Variants in EBF4 observed in about 807,000 individuals in gnomAD.
The protein encoded by EBF4 is transcription factor COE4.
Under a neutral mutation model 67.1 loss-of-function variants are expected in EBF4, and 34 were observed. The observed-to-expected ratio is 0.51, with a 90% CI of 0.39 to 0.67. EBF4 has a LOEUF of 0.67. Ranked by LOEUF, EBF4 falls within the 30% of genes least tolerant of loss-of-function variation. EBF4 has a pLI of 0.00. For missense variants in EBF4, 837 were observed against 873.3 expected (o/e 0.96, Z 0.52); for synonymous variants, 387 against 377.7 (o/e 1.02, Z -0.29).
rs1263314052 is a variant in EBF4 at position 2,756,491 on chromosome 20, G to C, written c.1738+667G>C. Among the ~76,000 whole-genome samples the C allele has an allele frequency of 6.6e-6, 1 of 152,244 alleles. No individual in the cohort carries two copies. Among genetic ancestry groups the C allele is most frequent in the Non-Finnish European group, 1.5e-5 (1 of 68,044 alleles). Reference sequence around the variant, plus strand: ...AAAAGGAGGAGGCAACAGGATGTGGGTGGGGCAGAACAGGTCCTTGTTGAT... The same window carrying C: ...AAAAGGAGGAGGCAACAGGATGTGGCTGGGGCAGAACAGGTCCTTGTTGAT... On this transcript the variant is annotated intron_variant, in intron 15 of 16. Coordinates refer to ENST00000609451, the Ensembl canonical transcript of EBF4. The surrounding 1 kb of genome is among the most constrained non-coding windows in gnomAD (Gnocchi z 4.5).
At position 2,707,794 on chromosome 20, in the gene EBF4, C is replaced by T. The variant is rs1360762000; in HGVS notation, c.415-153C>T. ...TTTGGGAGGAGGGGTTATCCCCCGC[C>T]TGGGCAGCCCAGAGCAAGGCAGAGG... On this transcript the variant is annotated intron_variant, in intron 4 of 16. Transcript: ENST00000609451. This position sits in a 1 kb window ranked among gnomAD's most constrained non-coding sequence, Gnocchi z 4.6. Among the ~76,000 whole-genome samples, 2 of 152,186 alleles carry T rather than the reference C, an allele frequency of 1.3e-5. No individual in the cohort carries two copies. The highest frequency in any genetic ancestry group is 2.9e-5 in the Non-Finnish European group (2 of 68,014).
chr20:2,708,082 C>G, intron 5 of EBF4, 62 bp downstream of exon 5: 10 of 1,514,356 alleles, frequency 6.6e-6, no homozygotes, highest in Non-Finnish European at 9.0e-6. Flanking sequence ...GGACTCTACC[C>G]AGGCCCTGCC....
chr20:2,748,522 T>C, intron 6 of EBF4, 27 bp from the exon 7 acceptor site: 1 of 1,549,482 alleles, frequency 6.5e-7, no homozygotes. Context: ...CCCCAGACCC[T>C]TGAGCCCACC....
intron 6 of EBF4, among the ~76,000 whole-genome samples, chr20:2,743,597 G>A (rs952261092): frequency 1.1e-4 from 16 of 152,162 alleles, no homozygotes; most frequent in African/African-American, 2.2e-4. Flanking sequence ...GTGTGAGTGC[G>A]TGCGTATATG....
At position 2,721,374 on chromosome 20, in the gene EBF4, C is replaced by A. The variant is rs1328671565; in HGVS notation, c.557+11732C>A. Among the ~76,000 whole-genome samples the A allele has an allele frequency of 4.0e-5, 6 of 151,368 alleles. No individual in the cohort carries two copies. In the Admixed American group the frequency reaches 4.0e-4, roughly 10 times the overall value. Reference sequence around the variant, plus strand: ...CATCTGCCATTAATCCCATTCCATGCAATTTTAAAAATCTCAGACATTGTA... The same window carrying A: ...CATCTGCCATTAATCCCATTCCATGAAATTTTAAAAATCTCAGACATTGTA... On this transcript the variant is annotated intron_variant, in intron 6 of 16. Coordinates refer to ENST00000609451, the Ensembl canonical transcript of EBF4.
intron 6 of EBF4, among the ~76,000 whole-genome samples, chr20:2,716,310 G>A (rs558958518): frequency 4.1e-4 from 62 of 151,084 alleles, no homozygotes; most frequent in Admixed American, 6.6e-4. Flanking sequence ...GCAGATCACC[G>A]GAGGTCGGGA....
rs1047296790 is a variant in EBF4 at position 2,747,511 on chromosome 20, T to C, written c.558-1038T>C. On this transcript the variant is annotated intron_variant, in intron 6 of 16. Coordinates refer to ENST00000609451, the Ensembl canonical transcript of EBF4. This position sits in a 1 kb window ranked among gnomAD's most constrained non-coding sequence, Gnocchi z 4.6. ...ATGTGTTTTTTTCCCAATAACTCTA[T>C]GTAAAAAAGAAGACATTCACGGTGT... Among the ~76,000 whole-genome samples, 7 of 152,150 alleles carry C rather than the reference T, an allele frequency of 4.6e-5. 1 individual carries two copies. The South Asian group carries it at 1.5e-3, about 32-fold the overall frequency.
Position 2,748,696 on chromosome 20 carries a change from G to A in EBF4, c.639+66G>A, listed in dbSNP as rs577122786. Reference sequence around the variant, plus strand: ...TTCCTGATGGAGGGGAGGGGAGGGGGAAGGGAAGGCTGTGACCCTGCCACC... The same window carrying A: ...TTCCTGATGGAGGGGAGGGGAGGGGAAAGGGAAGGCTGTGACCCTGCCACC... On this transcript the variant is annotated intron_variant, in intron 7 of 16. Coordinates refer to ENST00000609451, the Ensembl canonical transcript of EBF4. The A allele has an allele frequency of 1.5e-4, 224 of 1,507,230 alleles. No individual in the cohort carries two copies. In the African/African-American group the frequency reaches 2.9e-3, roughly 19 times the overall value. The allele number at this position is 1,507,230 out of a possible 1,614,324, so 93.4% of individuals were successfully genotyped here. A position where few individuals can be genotyped will look rare whatever the true frequency, so the allele number is the denominator to read the frequency against.
upstream of EBF4, chr20:2,693,166 C>T: frequency 1.4e-5 from 2 of 142,816 alleles, no homozygotes; most frequent in East Asian, 2.3e-4. This position sits in a 1 kb window ranked among gnomAD's most constrained non-coding sequence, Gnocchi z 4.6. Flanking sequence ...GCGCCCCGCG[C>T]TGGCGCCGCG....
In EBF4 at chr20:2,706,205, C is replaced by G; in HGVS notation, c.359-4C>G. Reference sequence around the variant, plus strand: ...AGCAAGCCCTCTCCATCTTCCCATCCTAGGACTGCGGACAGAGCAAGACCT... The same window carrying G: ...AGCAAGCCCTCTCCATCTTCCCATCGTAGGACTGCGGACAGAGCAAGACCT... On this transcript the variant is annotated splice_polypyrimidine_tract_variant and splice_region_variant and intron_variant, in intron 3 of 16. Transcript: ENST00000609451. The G allele has an allele frequency of 2.6e-6, 4 of 1,552,188 alleles. No individual in the cohort carries two copies. The highest frequency in any genetic ancestry group is 3.5e-6 in the Non-Finnish European group (4 of 1,147,092).
At chr20:2,752,728 C>A (rs2088176279) in intron 14 of EBF4, among the ~76,000 whole-genome samples, 183 bp downstream of exon 14, 1 of 152,256 alleles carries the variant, frequency 6.6e-6, no homozygotes, top group African/African-American at 2.4e-5. Flanking sequence ...ACCTCAACCC[C>A]ACCCCTAGGC....
In EBF4 at chr20:2,751,076, T is replaced by TG. The variant is rs2088137755; in HGVS notation, c.1019-624_1019-623insG. The stretch of plus-strand genomic sequence containing the variant: ...CGTGGGGAGCTGGGTCAGACGCGCA[T>TG]ACACACACACACCCCTTGCACAACG... On this transcript the variant is annotated intron_variant, in intron 10 of 16. Coordinates refer to ENST00000609451, the Ensembl canonical transcript of EBF4. This position sits in a 1 kb window ranked among gnomAD's most constrained non-coding sequence, Gnocchi z 5.2. 1.3e-5 allele frequency among the ~76,000 whole-genome samples: 2 copies of TG among 151,386 alleles called. No individual in the cohort carries two copies. The highest frequency in any genetic ancestry group is 3.0e-5 in the Non-Finnish European group (2 of 67,792).
rs528845407 is a variant in EBF4 at position 2,739,827 on chromosome 20, G to A, written c.558-8722G>A. On this transcript the variant is annotated intron_variant, in intron 6 of 16. Coordinates refer to ENST00000609451, the Ensembl canonical transcript of EBF4. The surrounding 1 kb of genome is among the most constrained non-coding windows in gnomAD (Gnocchi z 4.5). ...TCTCAGGCTGCAGTGCCAGCTTTGG[G>A]CTTGGAAACACATATCCAATTTAAT... Among the ~76,000 whole-genome samples the A allele has an allele frequency of 5.3e-5, 8 of 152,300 alleles. No homozygotes were observed. Among genetic ancestry groups the A allele is most frequent in the African/African-American group, 1.9e-4 (8 of 41,568 alleles).
chr20:2,733,453 TC>T (rs1204400230), intron 6 of EBF4, among the ~76,000 whole-genome samples: 1 of 152,162 alleles, frequency 6.6e-6, no homozygotes, highest in Non-Finnish European at 1.5e-5. Flanking sequence ...ATAATGTTTT[TC>T]ATTACTGAGC....
chr20:2,720,157 A>G (rs11905421), intron 6 of EBF4, among the ~76,000 whole-genome samples: 14,282 of 152,166 alleles, frequency 0.094, 1,810 homozygotes, highest in African/African-American at 0.29. Context: ...GATAATATAT[A>G]GTCACACTAG....
intron 6 of EBF4, among the ~76,000 whole-genome samples, chr20:2,713,637 T>C (rs776787467): frequency 3.3e-5 from 5 of 152,170 alleles, no homozygotes; most frequent in Non-Finnish European, 7.3e-5. Flanking sequence ...TAGAGGTTTG[T>C]CAGTTGAGTA....
In EBF4 at chr20:2,707,417, T is replaced by C. The variant is rs1382242925; in HGVS notation, c.415-530T>C. 1.3e-5 allele frequency among the ~76,000 whole-genome samples: 2 copies of C among 151,956 alleles called. No homozygotes were observed. Among genetic ancestry groups the C allele is most frequent in the African/African-American group, 2.4e-5 (1 of 41,344 alleles). On this transcript the variant is annotated intron_variant, in intron 4 of 16. Transcript: ENST00000609451. The surrounding 1 kb of genome is among the most constrained non-coding windows in gnomAD (Gnocchi z 4.6). ...AGCAGTCCCAGGGGAAGACCGAGCC[T>C]GGGCTAGGGATGGTATGGGGGAAGA...
At chr20:2,697,833 C>T (rs1203478554) in intron 1 of EBF4, among the ~76,000 whole-genome samples, 1 of 152,236 alleles carries the variant, frequency 6.6e-6, no homozygotes. Flanking sequence ...TCTTCTCCTT[C>T]TGATGTGCTT....
Position 2,747,313 on chromosome 20 carries a change from C to CAAAA in EBF4, c.558-1233_558-1232insAAAA, listed in dbSNP as rs1415178435. On this transcript the variant is annotated intron_variant, in intron 6 of 16. Transcript: ENST00000609451. This position sits in a 1 kb window ranked among gnomAD's most constrained non-coding sequence, Gnocchi z 4.6. ...CTCTGTCTCAAAACAAAAAACAAAA[C>CAAAA]AAACAAAAAAAAAAAAACAGGAAAA... Among the ~76,000 whole-genome samples the CAAAA allele has an allele frequency of 4.1e-5, 5 of 123,300 alleles. No homozygotes were observed. In the East Asian group the frequency reaches 7.0e-4, roughly 17 times the overall value. 80.9% of individuals were successfully genotyped at this position (123,300 alleles called of 152,430 possible). A position where few individuals can be genotyped will look rare whatever the true frequency, so the allele number is the denominator to read the frequency against.
Sources: gnomAD v4.1 joint callset for allele counts (sites outside exome capture counted in the v4.1 genomes callset) on GRCh38, gnomAD v4.1.1 for gene constraint, Gnocchi (gnomAD v3.1) non-coding constraint, MANE v1.5 for transcripts, NCBI Gene and HGNC (gene_info 2026-07-23, HGNC 2026-07-21) for gene names.